WDR89: variants seen among roughly 807,000 people sequenced by gnomAD.
The protein encoded by WDR89 is WD repeat-containing protein 89.
In WDR89, 17 loss-of-function variants were observed where a neutral mutation model predicts 29.1. That is an observed-to-expected ratio of 0.58 (90% CI 0.40 to 0.88). The LOEUF (loss-of-function observed/expected upper bound fraction) is 0.88, where lower values mean the gene tolerates loss of function less well. WDR89 is among the 40% of genes least tolerant of loss of function. The pLI is 0.00. For missense variants in WDR89, 396 were observed against 456.3 expected, an observed-to-expected ratio of 0.87 and a Z score of 1.20; for synonymous variants, 138 against 157.8, an observed-to-expected ratio of 0.87 and a Z score of 0.94.
chr14:63,613,565 G>A (rs972574202), intron 2 of WDR89, among the ~76,000 whole-genome samples: 5 of 149,404 alleles, frequency 3.3e-5, no homozygotes, highest in East Asian at 2.0e-4. Flanking sequence ...GTGCAGTGGC[G>A]TGATCTCGGC....
At chr14:63,639,314 G>GT (rs1883940989) in intron 1 of WDR89, among the ~76,000 whole-genome samples, 1 of 138,404 alleles carries the variant, frequency 7.2e-6, no homozygotes, top group Admixed American at 7.6e-5. Flanking sequence ...GAGCCCAGGA[G>GT]TTTGAGACCC....
At chr14:63,603,518 A>G (rs992080216) in intron 2 of WDR89, among the ~76,000 whole-genome samples, 1 of 152,172 alleles carries the variant, frequency 6.6e-6, no homozygotes, top group African/African-American at 2.4e-5. Flanking sequence ...GTCCTTTTCT[A>G]TCATTCTTTC....
At chr14:63,615,622 A>G (rs1369254547) in intron 2 of WDR89, among the ~76,000 whole-genome samples, 1 of 152,174 alleles carries the variant, frequency 6.6e-6, no homozygotes, top group Non-Finnish European at 1.5e-5. Flanking sequence ...CTTAAGAATT[A>G]CCCTACTCAA....
chr14:63,627,766 T>A (rs112981891), intron 1 of WDR89, among the ~76,000 whole-genome samples: 1 of 152,136 alleles, frequency 6.6e-6, no homozygotes, highest in African/African-American at 2.4e-5. Flanking sequence ...TAAGTGAGTA[T>A]CACTGAATTA....
intron 2 of WDR89, among the ~76,000 whole-genome samples, chr14:63,623,317 C>T (rs1032063107): frequency 6.6e-5 from 10 of 150,936 alleles, no homozygotes; most frequent in African/African-American, 2.4e-4. Context: ...AGAAAAAGTA[C>T]CCAATCAAAA....
At chr14:63,620,079 A>G (rs1882597269) in intron 2 of WDR89, among the ~76,000 whole-genome samples, 2 of 152,092 alleles carry the variant, frequency 1.3e-5, no homozygotes, top group South Asian at 4.1e-4. Context: ...GGTTCACTGC[A>G]GCATTTTTTC....
chr14:63,599,188 TC>T lies in WDR89; in HGVS notation c.754del (p.Asp252MetfsTer7). 6.2e-7 allele frequency: 1 copy of T among 1,609,946 alleles called. No homozygotes were observed. Among genetic ancestry groups the T allele is most frequent in the Non-Finnish European group, 8.5e-7 (1 of 1,177,226 alleles). ...GATGTTCAAACGTGTAACTGGTTCATCAGTGTCCAGATGATTAAGATCCCAC... is the reference window on the plus strand; with the variant it reads ...GATGTTCAAACGTGTAACTGGTTCATAGTGTCCAGATGATTAAGATCCCAC... The part of the protein sequence containing the change: ...YWWDLNHLDT[D>X]EPVTRLNIQD... On this transcript the variant is annotated frameshift_variant, in exon 3 of 3. Transcript: ENST00000620954. LOFTEE classifies it high-confidence loss of function.
chr14:63,604,139 T>A (rs1312548291), intron 2 of WDR89, among the ~76,000 whole-genome samples: 1 of 152,152 alleles, frequency 6.6e-6, no homozygotes, highest in African/African-American at 2.4e-5. Context: ...AAATTAAAAA[T>A]GATGGCCAGG....
intron 1 of WDR89, among the ~76,000 whole-genome samples, chr14:63,627,982 G>T (rs185869784): frequency 6.6e-6 from 1 of 152,104 alleles, no homozygotes. Context: ...ACGCCTGTAA[G>T]CCCAGCACCT....
At chr14:63,616,261 CA>C (rs549166773) in intron 2 of WDR89, among the ~76,000 whole-genome samples, 1 of 151,710 alleles carries the variant, frequency 6.6e-6, no homozygotes, top group Non-Finnish European at 1.5e-5. Context: ...GACTCTGTCT[CA>C]ATACCAAAAC....
At chr14:63,638,688 C>T (rs1452766529) in intron 1 of WDR89, among the ~76,000 whole-genome samples, 3 of 152,160 alleles carry the variant, frequency 2.0e-5, no homozygotes, top group African/African-American at 4.8e-5. Flanking sequence ...GAAAAATTGG[C>T]GAAGCTCCAA....
intron 2 of WDR89, 133 bp from the exon 3 acceptor site, chr14:63,600,106 A>G (rs541207179): frequency 1.4e-4 from 66 of 472,862 alleles, no homozygotes; most frequent in Non-Finnish European, 1.8e-4. Flanking sequence ...GGCATGAATC[A>G]ATCAATCAAC....
At chr14:63,610,702 C>CTTTTTTTT (rs1009799974) in intron 2 of WDR89, among the ~76,000 whole-genome samples, 2 of 129,146 alleles carry the variant, frequency 1.5e-5, no homozygotes, top group African/African-American at 2.9e-5. Context: ...CTTTTCTTTT[C>CTTTTTTTT]TTTTTTTTTT....
At chr14:63,621,748 G>C (rs1392194823) in intron 2 of WDR89, 1 of 152,196 alleles carries the variant, frequency 6.6e-6, no homozygotes, top group Admixed American at 6.6e-5. Context: ...GAGTATAAAA[G>C]AAAGACTATC....
chr14:63,622,952 C>G (rs1882795330), intron 2 of WDR89, among the ~76,000 whole-genome samples: 1 of 151,914 alleles, frequency 6.6e-6, no homozygotes, highest in Admixed American at 6.6e-5. Flanking sequence ...GTAATCCCAG[C>G]ACTTTGGGTG....
At position 63,599,766 on chromosome 14, in the gene WDR89, CCTTT is replaced by C; in HGVS notation, c.173_176del (p.Glu58GlyfsTer2). The stretch of plus-strand genomic sequence containing the variant: ...CACTAAATTCTCGTAGTACATTTAA[CCTTT>C]CTTTATCATATATTCTGATTGATCC... On this transcript the variant is annotated frameshift_variant, in exon 3 of 3. Coordinates refer to ENST00000620954, the MANE Select transcript of WDR89 (RefSeq NM_080666.4). LOFTEE classifies it high-confidence loss of function. The C allele has an allele frequency of 1.2e-6, 2 of 1,610,722 alleles. No homozygotes were observed. The highest frequency in any genetic ancestry group is 1.1e-5 in the South Asian group (1 of 90,946).
chr14:63,638,402 C>T (rs1883888479), intron 1 of WDR89, among the ~76,000 whole-genome samples: 1 of 152,176 alleles, frequency 6.6e-6, no homozygotes, highest in South Asian at 2.1e-4. Context: ...CCATAGGCAA[C>T]ATAGTGAGAA....
Position 63,634,784 on chromosome 14 carries a change from C to T in WDR89, c.-138+7020G>A, listed in dbSNP as rs139295377. Among the ~76,000 whole-genome samples, 509 of 151,646 alleles carry T rather than the reference C, an allele frequency of 3.4e-3. 9 individuals carry two copies. The East Asian group carries it at 0.053, about 16-fold the overall frequency. ...CTTGGGAAGGCTGAGGCAGGAGAAT[C>T]GCTTGAACCCAGGAGGCGGAGGTTG... is the stretch of plus-strand genomic sequence containing the variant. On this transcript the variant is annotated intron_variant, in intron 1 of 2. Coordinates refer to ENST00000620954, the MANE Select transcript of WDR89 (RefSeq NM_080666.4).
intron 2 of WDR89, among the ~76,000 whole-genome samples, chr14:63,604,412 CA>C (rs936922519): frequency 6.7e-6 from 1 of 149,908 alleles, no homozygotes; most frequent in Admixed American, 6.6e-5. Flanking sequence ...GACCCTGTCT[CA>C]AAAAAAAACT....
Sources: gnomAD v4.1 joint callset for allele counts (sites outside exome capture counted in the v4.1 genomes callset) on GRCh38, gnomAD v4.1.1 for gene constraint, MANE v1.5 for transcripts, NCBI Gene and HGNC (gene_info 2026-07-23, HGNC 2026-07-21) for gene names.